FOXJ3: variants seen among roughly 807,000 people sequenced by gnomAD.
The protein encoded by FOXJ3 is forkhead box J3.
FOXJ3 carries 22 observed loss-of-function variants against 76.1 expected under a neutral mutation model. The observed-to-expected ratio is 0.29, with a 90% CI of 0.21 to 0.41. FOXJ3 has a LOEUF of 0.41. Among genes scored for constraint, FOXJ3 ranks in the 10% least tolerant of loss-of-function variants. The probability of loss-of-function intolerance (pLI) is 1.00; values close to 1 mark genes in which losing one functional copy is unlikely to be tolerated. For synonymous variants in FOXJ3, 269 were observed against 261.2 expected (o/e 1.03, Z -0.29); for missense variants, 613 against 762.1 (o/e 0.80, Z 2.30).
At chr1:42,243,240 GTA>G (rs4019615) in intron 4 of FOXJ3, among the ~76,000 whole-genome samples, 101,354 of 151,798 alleles carry the variant, frequency 0.67, 35,506 homozygotes, top group Admixed American at 0.78. Context: ...ACACGGAGAA[GTA>G]TAAAAACTCA....
chr1:42,305,694 G>A (rs975650642), intron 2 of FOXJ3, among the ~76,000 whole-genome samples: 4 of 152,158 alleles, frequency 2.6e-5, no homozygotes, highest in Non-Finnish European at 5.9e-5. Context: ...TAGAAGGATC[G>A]TTGGTTACCA....
At chr1:42,241,203 G>C (rs1281101378) in intron 4 of FOXJ3, among the ~76,000 whole-genome samples, 1 of 152,034 alleles carries the variant, frequency 6.6e-6, no homozygotes, top group African/African-American at 2.4e-5. Context: ...CTAGCATAGG[G>C]AGCTTCCTGA....
At chr1:42,290,812 C>G (rs1653368103) in intron 2 of FOXJ3, among the ~76,000 whole-genome samples, 2 of 152,116 alleles carry the variant, frequency 1.3e-5, no homozygotes, top group Admixed American at 1.3e-4. Flanking sequence ...TATTTACTAT[C>G]TTTTAAATTT....
chr1:42,268,012 G>A (rs1372713445), intron 3 of FOXJ3, among the ~76,000 whole-genome samples: 1 of 151,842 alleles, frequency 6.6e-6, no homozygotes. Context: ...TAAAGTCCCA[G>A]AAGGAGAAAA....
intron 3 of FOXJ3, among the ~76,000 whole-genome samples, chr1:42,268,318 G>T (rs368836649): frequency 7.2e-4 from 108 of 150,184 alleles, no homozygotes; most frequent in African/African-American, 2.5e-3. Flanking sequence ...AATACTGAAA[G>T]AAAAAAAAAC....
At position 42,179,602 on chromosome 1, in the gene FOXJ3, T is replaced by A. The variant is rs921186742; in HGVS notation, c.*108A>T. On this transcript the variant is annotated 3_prime_UTR_variant, in exon 13 of 13. Coordinates refer to ENST00000361346, the MANE Select transcript of FOXJ3 (RefSeq NM_014947.5). ...GTCTTCAAAAGTAATTTTGATAACA[T>A]TGGTAAAGTGATTAGCAAGTTTGTT... 2.9e-6 allele frequency: 2 copies of A among 678,604 alleles called. No individual in the cohort carries two copies. Among genetic ancestry groups the A allele is most frequent in the Non-Finnish European group, 5.3e-6 (2 of 380,310 alleles). The allele number at this position is 678,604 out of a possible 1,614,324, so 42.0% of individuals were successfully genotyped here. A position where few individuals can be genotyped will look rare whatever the true frequency, so the allele number is the denominator to read the frequency against.
chr1:42,317,250 T>C (rs368905245), intron 1 of FOXJ3, among the ~76,000 whole-genome samples: 1 of 152,046 alleles, frequency 6.6e-6, no homozygotes, highest in African/African-American at 2.4e-5. Context: ...CAGGTAATCA[T>C]TAAAGCAGTC....
At chr1:42,330,543 T>A (rs1458873638) in intron 1 of FOXJ3, among the ~76,000 whole-genome samples, 2 of 151,792 alleles carry the variant, frequency 1.3e-5, no homozygotes, top group African/African-American at 4.8e-5. Context: ...GGGGCTGAGG[T>A]GGGAGGATCA....
intron 2 of FOXJ3, among the ~76,000 whole-genome samples, chr1:42,305,603 T>C (rs1570213276): frequency 6.6e-6 from 1 of 152,266 alleles, no homozygotes; most frequent in Non-Finnish European, 1.5e-5. Context: ...CTAAGTGAAA[T>C]AAGCCAGGCA....
At chr1:42,238,460 C>T (rs922740644) in intron 4 of FOXJ3, among the ~76,000 whole-genome samples, 1 of 152,244 alleles carries the variant, frequency 6.6e-6, no homozygotes, top group Non-Finnish European at 1.5e-5. Context: ...GTTTGCCCAA[C>T]TTCAGTTTTT....
At position 42,270,440 on chromosome 1, in the gene FOXJ3, A is replaced by G. The variant is rs1158467465; in HGVS notation, c.370-5251T>C. On this transcript the variant is annotated intron_variant, in intron 3 of 12. Transcript: ENST00000361346. ...ACAATGTTTTTCAAAGGGTAATCAC[A>G]TATCTGTTGGAAAAAAAATACCTAA... Among the ~76,000 whole-genome samples the G allele has an allele frequency of 7.9e-5, 12 of 152,306 alleles. No homozygotes were observed. In the East Asian group the frequency reaches 2.3e-3, roughly 29 times the overall value.
At chr1:42,192,994 A>T (rs1162517118) in intron 8 of FOXJ3, among the ~76,000 whole-genome samples, 1 of 152,184 alleles carries the variant, frequency 6.6e-6, no homozygotes, top group African/African-American at 2.4e-5. Flanking sequence ...GATCAAAGAA[A>T]GCAGTAATTT....
At position 42,255,095 on chromosome 1, in the gene FOXJ3, T is replaced by C. The variant is rs372073627; in HGVS notation, c.444+10020A>G. Among the ~76,000 whole-genome samples the C allele has an allele frequency of 6.8e-4, 104 of 152,094 alleles. No homozygotes were observed. The South Asian group carries it at 0.021, about 31-fold the overall frequency. ...CAATGTAATTTCCTTAAAAGGCAACTAACTATTTAAAGCAAGTAACACAAA... is the reference window on the plus strand; with the variant it reads ...CAATGTAATTTCCTTAAAAGGCAACCAACTATTTAAAGCAAGTAACACAAA... On this transcript the variant is annotated intron_variant, in intron 4 of 12. Transcript: ENST00000361346.
Position 42,177,164 on chromosome 1 carries a change from G to A in FOXJ3, c.*2546C>T, listed in dbSNP as rs923337788. 1.3e-5 allele frequency: 2 copies of A among 152,674 alleles called. No homozygotes were observed. Among genetic ancestry groups the A allele is most frequent in the Non-Finnish European group, 1.5e-5 (1 of 68,046 alleles). The allele number at this position is 152,674 out of a possible 1,614,324, so 9.5% of individuals were successfully genotyped here. On this transcript the variant is annotated 3_prime_UTR_variant, in exon 13 of 13. Coordinates refer to ENST00000361346, the MANE Select transcript of FOXJ3 (RefSeq NM_014947.5). ...TAACCCTGTCTGGCCAGGGCCCACA[G>A]AAAAGGCCTGTCCTGGGCTCCTGGA...
At chr1:42,295,666 T>C (rs1653741406) in intron 2 of FOXJ3, among the ~76,000 whole-genome samples, 1 of 151,940 alleles carries the variant, frequency 6.6e-6, no homozygotes, top group Non-Finnish European at 1.5e-5. Flanking sequence ...TTAGCTGGGA[T>C]TACAGGTGTG....
intron 2 of FOXJ3, among the ~76,000 whole-genome samples, chr1:42,300,411 C>A (rs1344174007): frequency 6.6e-6 from 1 of 152,152 alleles, no homozygotes; most frequent in South Asian, 2.1e-4. Context: ...ATTCCCTTCA[C>A]ACTTGTTTGT....
At position 42,229,565 on chromosome 1, in the gene FOXJ3, A is replaced by G. The variant is rs966068661; in HGVS notation, c.445-1599T>C. On this transcript the variant is annotated intron_variant, in intron 4 of 12. Coordinates refer to ENST00000361346, the MANE Select transcript of FOXJ3 (RefSeq NM_014947.5). ...GGTACCTGAGCTTAATGTTCATTTCATCGCCCAGCTACTGCTGGGGTATTT... is the reference window on the plus strand; with the variant it reads ...GGTACCTGAGCTTAATGTTCATTTCGTCGCCCAGCTACTGCTGGGGTATTT... Among the ~76,000 whole-genome samples the G allele has an allele frequency of 3.3e-5, 5 of 152,308 alleles. No homozygotes were observed. The East Asian group carries it at 9.7e-4, about 29-fold the overall frequency.
At chr1:42,317,500 A>G (rs1655183008) in intron 1 of FOXJ3, among the ~76,000 whole-genome samples, 2 of 142,688 alleles carry the variant, frequency 1.4e-5, no homozygotes, top group African/African-American at 5.3e-5. Context: ...CACACAGATA[A>G]TTAAGAGAAA....
intron 1 of FOXJ3, among the ~76,000 whole-genome samples, chr1:42,334,711 G>A (rs1023671065): frequency 1.3e-5 from 2 of 152,164 alleles, no homozygotes; most frequent in Non-Finnish European, 2.9e-5. Context: ...TGGAGGGAAG[G>A]AGACGGTCGC....
Sources: allele counts gnomAD v4.1 joint callset (sites outside exome capture counted in the v4.1 genomes callset), GRCh38; gene constraint gnomAD v4.1.1; transcripts MANE v1.5; gene names NCBI Gene and HGNC (gene_info 2026-07-23, HGNC 2026-07-21).